KNL1: variants seen among roughly 807,000 people sequenced by gnomAD.
KNL1 encodes the protein outer kinetochore KNL1 complex subunit KNL1.
In KNL1, 66 loss-of-function variants were observed where a neutral mutation model predicts 201.3. The ratio of observed to expected loss-of-function variants is 0.33; its 90% CI spans 0.27 to 0.40. The LOEUF is 0.40. KNL1 is among the 10% of genes least tolerant of loss of function. KNL1 has a pLI of 1.00. For synonymous variants in KNL1, 895 were observed against 899.2 expected (o/e 1.00, Z 0.08); for missense variants, 2,815 against 2,690.5 (o/e 1.05, Z -1.02).
At chr15:40,634,091 G>T (rs533033120) in intron 13 of KNL1, among the ~76,000 whole-genome samples, 71 of 152,060 alleles carry the variant, frequency 4.7e-4, no homozygotes, top group African/African-American at 1.7e-3. Context: ...GGTTTTTGTT[G>T]TTGTTGTTGT....
At chr15:40,642,891 G>C (rs1893272945) in intron 14 of KNL1, 1 of 152,218 alleles carries the variant, frequency 6.6e-6, no homozygotes, top group Non-Finnish European at 1.5e-5. Context: ...GCCTCCCAAA[G>C]TGCTGGGATT....
At chr15:40,656,619 C>T (rs545168610) in intron 22 of KNL1, among the ~76,000 whole-genome samples, 2 of 152,102 alleles carry the variant, frequency 1.3e-5, no homozygotes, top group Admixed American at 1.3e-4. Flanking sequence ...GGCATGGTGG[C>T]TCATGCCTGT....
Position 40,622,413 on chromosome 15 carries a change from A to C in KNL1, c.2149A>C (p.Ile717Leu), listed in dbSNP as rs758340915. 10 of 1,613,760 alleles carry C rather than the reference A, an allele frequency of 6.2e-6. No homozygotes were observed. Among genetic ancestry groups the C allele is most frequent in the Non-Finnish European group, 8.5e-6 (10 of 1,179,722 alleles). The stretch of plus-strand genomic sequence containing the variant: ...CTCTATGAAAAATCATGATACTGCT[A>C]TAAGTAGTCATACAGTGAAATCTGT... ...QFSMKNHDTA[I>L]SSHTVKSVLG... The change falls in exon 10 of 26, where the codon ATA becomes CTA. Residue 717 changes from isoleucine (I) to leucine (L), a missense_variant. Ile to Leu is a conservative substitution (Grantham distance 5). Coordinates refer to ENST00000399668, the MANE Select transcript of KNL1 (RefSeq NM_144508.5).
chr15:40,662,039 A>C (rs746051726), intron 25 of KNL1, 35 bp from the exon 26 acceptor site: 1 of 1,334,340 alleles, frequency 7.5e-7, no homozygotes. Flanking sequence ...ACTCCGTCGC[A>C]AAAAAGAAAA....
chr15:40,623,838 G>C lies in KNL1; in HGVS notation c.3574G>C (p.Gly1192Arg), dbSNP rs377280697. 1.8e-5 allele frequency: 29 copies of C among 1,613,128 alleles called. No homozygotes were observed. The South Asian group carries it at 2.5e-4, about 14-fold the overall frequency. ...ILEENPKFGI[G>R]KGKNLGVSFP... Reference sequence around the variant, plus strand: ...TGAAGAAAACCCTAAATTTGGAATAGGAAAAGGAAAAAACTTGGGTGTTTC... The same window carrying C: ...TGAAGAAAACCCTAAATTTGGAATACGAAAAGGAAAAAACTTGGGTGTTTC... Residue 1192 changes from glycine (G) to arginine (R), a missense_variant, in exon 10 of 26, where the codon GGA (glycine) becomes CGA (arginine). Physicochemically the swap from Gly to Arg is moderately radical, Grantham distance 125 (BLOSUM62 -2). This residue lies in a region of KNL1 where 2,464 missense variants were observed against 2,291.7 expected (regional missense o/e 1.08). Coordinates refer to ENST00000399668, the MANE Select transcript of KNL1 (RefSeq NM_144508.5).
At chr15:40,648,210 T>C (rs1020950998) in intron 17 of KNL1, among the ~76,000 whole-genome samples, 2 of 152,142 alleles carry the variant, frequency 1.3e-5, no homozygotes, top group Non-Finnish European at 2.9e-5. Context: ...GCAAAAAATA[T>C]CCTTAAACAC....
intron 22 of KNL1, among the ~76,000 whole-genome samples, chr15:40,655,626 T>G (rs1285171099): frequency 7.0e-6 from 1 of 143,262 alleles, no homozygotes; most frequent in African/African-American, 2.6e-5. Flanking sequence ...TAAAAAAAAT[T>G]ATTACATGCC....
chr15:40,606,346 A>T, intron 3 of KNL1, 47 bp from the exon 4 acceptor site: 1 of 1,137,282 alleles, frequency 8.8e-7, no homozygotes, highest in Non-Finnish European at 1.3e-6. Flanking sequence ...ACTGATTCTT[A>T]ATAGATATGC....
intron 14 of KNL1, among the ~76,000 whole-genome samples, chr15:40,642,520 C>T (rs1029073834): frequency 6.6e-6 from 1 of 152,202 alleles, no homozygotes; most frequent in Non-Finnish European, 1.5e-5. Flanking sequence ...AGGTACTATA[C>T]TATGCACTGG....
At chr15:40,645,363 G>T (rs1215008465) in intron 15 of KNL1, among the ~76,000 whole-genome samples, 1 of 152,114 alleles carries the variant, frequency 6.6e-6, no homozygotes, top group Admixed American at 6.6e-5. Flanking sequence ...ACGAAGAAAA[G>T]ATTTACTTTA....
rs771329844 is a variant in KNL1, at chr15:40,624,347, T to G, written c.4083T>G (p.Pro1361=). ...CTGAGGGACAGCCTCTCTCTGCTCC[T>G]TGTCCTTTGTTAGAGAAGGAAGAAG... ...LESEGQPLSA[P]CPLLEKEEVI... The change falls in exon 10 of 26, where the codon CCT becomes CCG. Residue 1361 remains proline (P), a synonymous_variant. Transcript: ENST00000399668. 1 of 1,613,828 alleles carries G rather than the reference T, an allele frequency of 6.2e-7. No individual in the cohort carries two copies. Among genetic ancestry groups the G allele is most frequent in the African/African-American group, 1.3e-5 (1 of 74,942 alleles).
At chr15:40,605,729 C>T (rs537376428) in intron 3 of KNL1, among the ~76,000 whole-genome samples, 3 of 152,304 alleles carry the variant, frequency 2.0e-5, no homozygotes, top group South Asian at 4.1e-4. Context: ...AGATTACAGG[C>T]GTGAGCCACT....
intron 8 of KNL1, chr15:40,615,978 G>T (rs530906497): frequency 8.5e-5 from 3 of 35,228 alleles, no homozygotes; most frequent in Non-Finnish European, 1.5e-4. Context: ...TGTTGGTCAG[G>T]CTGGTCTCGA....
Position 40,650,323 on chromosome 15 carries a change from A to C in KNL1, c.6117A>C (p.Glu2039Asp), listed in dbSNP as rs754228458. The change falls in exon 18 of 26, where the codon GAA becomes GAC. Residue 2039 changes from glutamate (E) to aspartate (D), a missense_variant. Coordinates refer to ENST00000399668, the MANE Select transcript of KNL1 (RefSeq NM_144508.5). ...METETKNLED[E>D]EKNNPVEEWD... Reference sequence around the variant, plus strand: ...TAGAAACTAAGAATTTGGAGGATGAAGAGAAAAACAATCCTGTGGAAGAAT... The same window carrying C: ...TAGAAACTAAGAATTTGGAGGATGACGAGAAAAACAATCCTGTGGAAGAAT... 6.2e-6 allele frequency: 10 copies of C among 1,611,172 alleles called. No individual in the cohort carries two copies. In the East Asian group the frequency reaches 1.6e-4, roughly 25 times the overall value.
intron 13 of KNL1, among the ~76,000 whole-genome samples, chr15:40,633,406 G>T (rs1242056665): frequency 1.3e-5 from 2 of 152,014 alleles, no homozygotes; most frequent in Admixed American, 1.3e-4. Context: ...CATGTTTGTG[G>T]TGATGCTAAT....
At chr15:40,639,698 T>C (rs774030024) in intron 13 of KNL1, among the ~76,000 whole-genome samples, 2 of 151,876 alleles carry the variant, frequency 1.3e-5, no homozygotes, top group African/African-American at 2.4e-5. Context: ...TGCTTGATCC[T>C]GGGAGGCTGA....
intron 1 of KNL1, among the ~76,000 whole-genome samples, chr15:40,595,682 A>G (rs140702506): frequency 3.9e-5 from 6 of 152,364 alleles, no homozygotes; most frequent in Admixed American, 3.3e-4. Flanking sequence ...GTAATGTTTT[A>G]TATGTGCACT....
chr15:40,635,955 GC>G (rs959626125), intron 13 of KNL1, among the ~76,000 whole-genome samples: 2 of 152,240 alleles, frequency 1.3e-5, no homozygotes, highest in African/African-American at 4.8e-5. Flanking sequence ...CCCTGCTTCA[GC>G]CTCCCCAGTA....
Position 40,624,523 on chromosome 15 carries a change from G to T in KNL1, c.4259G>T (p.Arg1420Leu). ...GAGATGACTAAACTTAATTCAAAGCGAGTATCTTTTAAGCTTCCAAAGGAT... is the reference window on the plus strand; with the variant it reads ...GAGATGACTAAACTTAATTCAAAGCTAGTATCTTTTAAGCTTCCAAAGGAT... Reference protein sequence around the residue: ...LGEMTKLNSKRVSFKLPKDQM... With the variant: ...LGEMTKLNSKLVSFKLPKDQM... Residue 1420 changes from arginine to leucine, a missense_variant, in exon 10 of 26, where the codon CGA (arginine) becomes CTA (leucine). By Grantham distance (102) the Arg-to-Leu change is moderately radical (BLOSUM62 -2). Transcript: ENST00000399668. 1.2e-6 allele frequency: 2 copies of T among 1,613,694 alleles called. No individual in the cohort carries two copies. Among genetic ancestry groups the T allele is most frequent in the Non-Finnish European group, 1.7e-6 (2 of 1,179,862 alleles).
Sources: allele counts gnomAD v4.1 joint callset (sites outside exome capture counted in the v4.1 genomes callset), GRCh38; gene constraint gnomAD v4.1.1; regional missense constraint gnomAD v4.1.1; transcripts MANE v1.5; gene names NCBI Gene and HGNC (gene_info 2026-07-23, HGNC 2026-07-21).